Variants in CALCA observed in about 807,000 individuals in gnomAD.
CALCA encodes the protein calcitonin related polypeptide alpha, also known as calcitonin.
CALCA carries 4 observed loss-of-function variants against 6.9 expected under a neutral mutation model. The observed-to-expected ratio is 0.58, with a 90% confidence interval of 0.29 to 1.33. The LOEUF (loss-of-function observed/expected upper bound fraction) is 1.33, where lower values mean the gene tolerates loss of function less well. CALCA is among the 40% of genes most tolerant of loss of function. The probability of loss-of-function intolerance (pLI) is 0.09; values close to 1 mark genes in which losing one functional copy is unlikely to be tolerated. For synonymous variants in CALCA, 78 were observed against 70.0 expected (o/e 1.11, Z -0.57); for missense variants, 174 against 178.3 (o/e 0.98, Z 0.14).
In CALCA at chr11:14,968,704, T is replaced by C. The variant is rs1590264386; in HGVS notation, c.*95A>G. 1 of 1,611,896 alleles carries C rather than the reference T, an allele frequency of 6.2e-7. No homozygotes were observed. Among genetic ancestry groups the C allele is most frequent in the Non-Finnish European group, 8.5e-7 (1 of 1,179,276 alleles). On this transcript the variant is annotated 3_prime_UTR_variant, in exon 4 of 4. Transcript: ENST00000331587. ...CCTCTGCCACAAGGAAAGCCACCAA[T>C]ACCAGCCCAAAGAGCCACCAGAGAG...
At chr11:14,967,503 G>A (rs1472940007), downstream of CALCA, among the ~76,000 whole-genome samples, 1 of 152,164 alleles carries the variant, frequency 6.6e-6, no homozygotes, top group Non-Finnish European at 1.5e-5. Flanking sequence ...TGAAAAAACA[G>A]AGATGAATCC....
Position 14,970,218 on chromosome 11 carries a change from T to A in CALCA, c.87-143A>T. ...CCTAGGGGACAGGGCACAAGGCCAG[T>A]GTCCTCCTCAGGACCCAGGCACTGG... is the stretch of plus-strand genomic sequence containing the variant. On this transcript the variant is annotated intron_variant, in intron 2 of 3. Coordinates refer to ENST00000331587, the MANE Select transcript of CALCA (RefSeq NM_001741.3). 3.3e-6 allele frequency: 4 copies of A among 1,217,578 alleles called. No homozygotes were observed. In the South Asian group the frequency reaches 6.0e-5, roughly 18 times the overall value. The allele number at this position is 1,217,578 out of a possible 1,614,324, so 75.4% of individuals were successfully genotyped here.
intron 2 of CALCA, 136 bp downstream of exon 2, chr11:14,970,971 T>C (rs1849588617): frequency 1.4e-6 from 1 of 695,138 alleles, no homozygotes; most frequent in Non-Finnish European, 2.6e-6. Flanking sequence ...CACATTTTTA[T>C]ATCAAAAAAT....
At position 14,968,961 on chromosome 11, in the gene CALCA, C is replaced by T. The variant is rs1481711592; in HGVS notation, c.264G>A (p.Leu88=). 1 of 1,613,682 alleles carries T rather than the reference C, an allele frequency of 6.2e-7. No individual in the cohort carries two copies. Among genetic ancestry groups the T allele is most frequent in the Non-Finnish European group, 8.5e-7 (1 of 1,180,026 alleles). The change falls in exon 4 of 4, where the codon CTG becomes CTA. Residue 88 remains leucine, a synonymous_variant. Transcript: ENST00000331587. The part of the protein sequence containing the change: ...DSPRSKRCGN[L]STCMLGTYTQ... ...TGTATGTGCCCAGCATGCAAGTACT[C>T]AGATTACCGCACCGCTTAGATCTGG...
chr11:14,968,474 A>G, downstream of CALCA: 7 of 1,235,390 alleles, frequency 5.7e-6, no homozygotes, highest in Non-Finnish European at 6.2e-6. Context: ...GACATAGATC[A>G]GAGCAATGAC....
At chr11:14,970,240 C>G (rs2133583974) in intron 2 of CALCA, among the ~76,000 whole-genome samples, 165 bp from the exon 3 acceptor site, 1 of 152,334 alleles carries the variant, frequency 6.6e-6, no homozygotes, top group South Asian at 2.1e-4. Flanking sequence ...GACCCAGGCA[C>G]TGGTGTGGCC....
chr11:14,970,537 G>C (rs182087437), intron 2 of CALCA, among the ~76,000 whole-genome samples: 5 of 152,240 alleles, frequency 3.3e-5, no homozygotes, highest in East Asian at 3.9e-4. Flanking sequence ...GGATAAATAG[G>C]ATGGCTACAC....
chr11:14,967,758 G>A, downstream of CALCA: 3 of 1,614,226 alleles, frequency 1.9e-6, no homozygotes, highest in Non-Finnish European at 2.5e-6. Context: ...TGGGCACAAA[G>A]TTGTTCTTCA....
downstream of CALCA, chr11:14,967,904 G>A (rs1555025707): frequency 6.2e-7 from 1 of 1,608,228 alleles, no homozygotes; most frequent in Non-Finnish European, 8.5e-7. Context: ...TGAGAGGCTG[G>A]GAGAGAGGTC....
downstream of CALCA, chr11:14,967,876 GAA>G (rs112450724): frequency 3.0e-4 from 490 of 1,614,152 alleles, 2 homozygotes; most frequent in African/African-American, 5.6e-3. Context: ...GATGGAGAAA[GAA>G]GAGAAGATCT....
Position 14,971,168 on chromosome 11 carries a change from A to AG in CALCA, c.24dup (p.Phe9LeufsTer36), listed in dbSNP as rs1555026447. 1 of 1,614,100 alleles carries AG rather than the reference A, an allele frequency of 6.2e-7. No individual in the cohort carries two copies. The highest frequency in any genetic ancestry group is 1.3e-5 in the African/African-American group (1 of 75,028). ...AGGACCAAGATGCTGAGAGCCAGGA[A>AG]GGGGGAGAACTTTTGGAAGCCCATG... On this transcript the variant is annotated frameshift_variant, in exon 2 of 4. Coordinates refer to ENST00000331587, the MANE Select transcript of CALCA (RefSeq NM_001741.3). LOFTEE classifies it high-confidence loss of function.
downstream of CALCA, chr11:14,968,374 G>A: frequency 9.5e-7 from 1 of 1,055,160 alleles, no homozygotes; most frequent in Non-Finnish European, 1.2e-6. Flanking sequence ...CTTGAGCTTG[G>A]TCAAAGGGAC....
chr11:14,968,739 C>T lies in CALCA; in HGVS notation c.*60G>A. ...AAGAGCCACCAGAGAGGAACCAAAC[C>T]ACATGCATCAAGTTATAGGAAGGAT... On this transcript the variant is annotated 3_prime_UTR_variant, in exon 4 of 4. Transcript: ENST00000331587. 1.2e-6 allele frequency: 2 copies of T among 1,613,512 alleles called. No homozygotes were observed. The highest frequency in any genetic ancestry group is 1.3e-5 in the African/African-American group (1 of 75,024).
At chr11:14,971,269 T>G (rs1230647617) in intron 1 of CALCA, 68 bp from the exon 2 acceptor site, 2 of 1,035,934 alleles carry the variant, frequency 1.9e-6, no homozygotes, top group Non-Finnish European at 3.1e-6. Flanking sequence ...AGACCTTGGC[T>G]CCTATCCTGG....
Position 14,970,030 on chromosome 11 carries a change from C to T in CALCA, c.132G>A (p.Glu44=), listed in dbSNP as rs1849560349. The part of the protein sequence containing the change: ...SSPADPATLS[E]DEARLLLAAL... ...CAGCCAGCAGGAGGCGCGCTTCGTC[C>T]TCACTGAGCGTGGCCGGGTCTGCTG... Residue 44 remains glutamate (E), a synonymous_variant, in exon 3 of 4, where the codon GAG becomes GAA. Transcript: ENST00000331587. 2.5e-6 allele frequency: 4 copies of T among 1,614,246 alleles called. No individual in the cohort carries two copies. In the South Asian group the frequency reaches 4.4e-5, roughly 18 times the overall value.
Position 14,969,011 on chromosome 11 carries a change from A to G in CALCA, c.228-14T>C. On this transcript the variant is annotated splice_polypyrimidine_tract_variant and intron_variant, in intron 3 of 3. Coordinates refer to ENST00000331587, the MANE Select transcript of CALCA (RefSeq NM_001741.3). ...GGGCTGTCCAGGCTGCAGGGAAAAC[A>G]CATACCAGACAGTACCATGCACCAG... 6.2e-7 allele frequency: 1 copy of G among 1,610,944 alleles called. No individual in the cohort carries two copies. Among genetic ancestry groups the G allele is most frequent in the Non-Finnish European group, 8.5e-7 (1 of 1,178,114 alleles).
At chr11:14,968,239 C>T (rs142700183), downstream of CALCA, 153 of 325,930 alleles carry the variant, frequency 4.7e-4, 1 homozygote, top group African/African-American at 3.0e-3. Context: ...ACCCCAGTCA[C>T]GGGCACCAAA....
At chr11:14,968,354 G>T, downstream of CALCA, 2 of 835,628 alleles carry the variant, frequency 2.4e-6, no homozygotes, top group Non-Finnish European at 3.1e-6. Flanking sequence ...TAGGACCCCT[G>T]TTCTTCCTGC....
chr11:14,968,772 G>A lies in CALCA; in HGVS notation c.*27C>T, dbSNP rs979087579. 6.2e-7 allele frequency: 1 copy of A among 1,613,928 alleles called. No individual in the cohort carries two copies. Reference sequence around the variant, plus strand: ...TCAAGTTATAGGAAGGATGCAAGAAGGGAAATTAGGAAGGAAAGGGAGGAG... The same window carrying A: ...TCAAGTTATAGGAAGGATGCAAGAAAGGAAATTAGGAAGGAAAGGGAGGAG... On this transcript the variant is annotated 3_prime_UTR_variant, in exon 4 of 4. Coordinates refer to ENST00000331587, the MANE Select transcript of CALCA (RefSeq NM_001741.3).
Sources: gnomAD v4.1 joint callset for allele counts (sites outside exome capture counted in the v4.1 genomes callset) on GRCh38, gnomAD v4.1.1 for gene constraint, MANE v1.5 for transcripts, NCBI Gene and HGNC (gene_info 2026-07-23, HGNC 2026-07-21) for gene names.